Variants in FGFR2 observed in about 807,000 individuals in gnomAD.
FGFR2 encodes fibroblast growth factor receptor 2, also known as BEK fibroblast growth factor receptor.
FGFR2 carries 19 observed loss-of-function variants against 95.9 expected under a neutral mutation model. That is an observed-to-expected ratio of 0.20 (90% CI 0.14 to 0.29). The LOEUF is 0.29. Among genes scored for constraint, FGFR2 ranks in the 10% least tolerant of loss-of-function variants. FGFR2 has a pLI of 1.00. For missense variants in FGFR2, 707 were observed against 1,056.9 expected, an observed-to-expected ratio of 0.67 and a Z score of 4.59; for synonymous variants, 392 against 393.3, an observed-to-expected ratio of 1.00 and a Z score of 0.04.
At chr10:121,524,099 T>TGTACACACACAC (rs1554933373) in intron 6 of FGFR2, among the ~76,000 whole-genome samples, 1 of 137,196 alleles carries the variant, frequency 7.3e-6, no homozygotes, top group African/African-American at 2.9e-5. Flanking sequence ...CCCGGCTATG[T>TGTACACACACAC]ATACACACAC....
intron 1 of FGFR2, among the ~76,000 whole-genome samples, chr10:121,596,198 T>C (rs897083434): frequency 6.6e-6 from 1 of 151,742 alleles, no homozygotes; most frequent in African/African-American, 2.4e-5. Context: ...GCGGGAGGAG[T>C]TGTCACCCTC....
At chr10:121,539,049 T>A (rs1045998905) in intron 5 of FGFR2, among the ~76,000 whole-genome samples, 5 of 152,354 alleles carry the variant, frequency 3.3e-5, no homozygotes, top group African/African-American at 1.2e-4. Context: ...CTGGTACCAA[T>A]GGCCACGGGC....
At chr10:121,484,569 C>T (rs760378119) in intron 16 of FGFR2, among the ~76,000 whole-genome samples, 10 of 152,194 alleles carry the variant, frequency 6.6e-5, no homozygotes, top group Non-Finnish European at 1.5e-4. Context: ...AAATGATACA[C>T]AATAGACCGC....
chr10:121,491,370 C>T (rs1314962643), intron 13 of FGFR2, among the ~76,000 whole-genome samples: 5 of 152,168 alleles, frequency 3.3e-5, no homozygotes, highest in African/African-American at 9.7e-5. Context: ...GGGAGCTGAC[C>T]ATTTTATACA....
rs190811670 is a variant in FGFR2, at chr10:121,559,810, G to A, written c.454+4692C>T. On this transcript the variant is annotated intron_variant, in intron 4 of 17. Coordinates refer to ENST00000358487, the MANE Select transcript of FGFR2 (RefSeq NM_000141.5). ...TTCTGCATGGGCGCTGGGCAGTTAG[G>A]AACACTGTTCACAATGCAAAGCATA... Among the ~76,000 whole-genome samples, 3 of 152,282 alleles carry A rather than the reference G, an allele frequency of 2.0e-5. No individual in the cohort carries two copies. In the East Asian group the frequency reaches 5.8e-4, roughly 29 times the overall value.
chr10:121,479,564 CA>C lies in FGFR2; in HGVS notation c.*292del, dbSNP rs1487520845. 2.0e-5 allele frequency: 30 copies of C among 1,534,824 alleles called. No individual in the cohort carries two copies. The highest frequency in any genetic ancestry group is 2.5e-5 in the Non-Finnish European group (28 of 1,136,758). Reference sequence around the variant, plus strand: ...CAAAATTAACAAGGAAGGCAGAACGCACGTCCACCTTGAGTCCTACTGGTCC... The same window carrying C: ...CAAAATTAACAAGGAAGGCAGAACGCCGTCCACCTTGAGTCCTACTGGTCC... On this transcript the variant is annotated 3_prime_UTR_variant, in exon 18 of 18. Transcript: ENST00000358487.
intron 6 of FGFR2, chr10:121,538,342 C>A: frequency 1.3e-6 from 1 of 785,052 alleles, no homozygotes; most frequent in Non-Finnish European, 2.4e-6. Flanking sequence ...CATTTCATAC[C>A]ACGTCCACTT....
chr10:121,496,844 A>G, intron 12 of FGFR2, 122 bp from the exon 13 acceptor site: 1 of 897,668 alleles, frequency 1.1e-6, no homozygotes, highest in Non-Finnish European at 1.7e-6. Context: ...AGTTTAACAT[A>G]CAGCGGCTGG....
At chr10:121,551,730 A>G (rs918276889) in intron 4 of FGFR2, among the ~76,000 whole-genome samples, 1 of 152,174 alleles carries the variant, frequency 6.6e-6, no homozygotes, top group African/African-American at 2.4e-5. Context: ...TTGATGCCAG[A>G]AAATAATTTC....
intron 6 of FGFR2, among the ~76,000 whole-genome samples, chr10:121,522,420 T>C (rs955112242): frequency 2.0e-5 from 3 of 152,000 alleles, no homozygotes; most frequent in Non-Finnish European, 4.4e-5. Context: ...TAGCCAGACA[T>C]GGTGGTGCAT....
intron 6 of FGFR2, among the ~76,000 whole-genome samples, chr10:121,527,452 T>C (rs1039567880): frequency 1.3e-5 from 2 of 152,186 alleles, no homozygotes; most frequent in Non-Finnish European, 2.9e-5. Flanking sequence ...AAAGGAGTCA[T>C]GGTTTGGGGA....
At chr10:121,522,243 G>A (rs553798196) in intron 6 of FGFR2, among the ~76,000 whole-genome samples, 12 of 152,306 alleles carry the variant, frequency 7.9e-5, no homozygotes, top group South Asian at 2.1e-4. Flanking sequence ...CAACAACAAC[G>A]TATTGTACAC....
intron 5 of FGFR2, among the ~76,000 whole-genome samples, chr10:121,550,763 T>C (rs1054066703): frequency 6.6e-6 from 1 of 152,162 alleles, no homozygotes; most frequent in Non-Finnish European, 1.5e-5. Flanking sequence ...TCTCCTCATA[T>C]GAAGAACAAC....
At chr10:121,575,407 A>G (rs546701433) in intron 2 of FGFR2, among the ~76,000 whole-genome samples, 2 of 152,288 alleles carry the variant, frequency 1.3e-5, no homozygotes, top group East Asian at 3.9e-4. Flanking sequence ...AAAGATGCAC[A>G]GAGGGAAGGT....
intron 9 of FGFR2, among the ~76,000 whole-genome samples, chr10:121,506,802 A>G (rs909174536): frequency 1.3e-5 from 2 of 152,242 alleles, no homozygotes; most frequent in African/African-American, 2.4e-5. Flanking sequence ...GAGAGGGGGT[A>G]GAAAATACAT....
chr10:121,530,694 TAG>T (rs376068436), intron 6 of FGFR2, among the ~76,000 whole-genome samples: 41 of 151,658 alleles, frequency 2.7e-4, no homozygotes, highest in Non-Finnish European at 5.3e-4. Context: ...TAAATGAGTT[TAG>T]AGAGAAACTC....
At chr10:121,591,811 G>A (rs578153261) in intron 2 of FGFR2, among the ~76,000 whole-genome samples, 5 of 152,132 alleles carry the variant, frequency 3.3e-5, no homozygotes, top group South Asian at 2.1e-4. Context: ...ATCCATAAGT[G>A]CATCCACAGA....
At chr10:121,572,681 TGTGA>T (rs1434554993) in intron 2 of FGFR2, among the ~76,000 whole-genome samples, 2 of 152,082 alleles carry the variant, frequency 1.3e-5, no homozygotes, top group Admixed American at 6.5e-5. Flanking sequence ...GCACATGAGC[TGTGA>T]GTAATTCCTG....
At chr10:121,513,250 T>C (rs1849288128) in intron 9 of FGFR2, among the ~76,000 whole-genome samples, 1 of 152,174 alleles carries the variant, frequency 6.6e-6, no homozygotes, top group South Asian at 2.1e-4. Context: ...TTTAGAACAT[T>C]CTTATGTCAA....
Sources: gnomAD v4.1 joint callset for allele counts (sites outside exome capture counted in the v4.1 genomes callset) on GRCh38, gnomAD v4.1.1 for gene constraint, MANE v1.5 for transcripts, NCBI Gene and HGNC (gene_info 2026-07-23, HGNC 2026-07-21) for gene names.